TYRO3: variants seen among roughly 807,000 people sequenced by gnomAD.
TYRO3 encodes the protein tyrosine-protein kinase receptor TYRO3.
TYRO3 carries 38 observed loss-of-function variants against 95.2 expected under a neutral mutation model. That is an observed-to-expected ratio of 0.40 (90% CI 0.31 to 0.52). The LOEUF (loss-of-function observed/expected upper bound fraction) is 0.52, where lower values mean the gene tolerates loss of function less well. Among genes scored for constraint, TYRO3 ranks in the 20% least tolerant of loss-of-function variants. The probability of loss-of-function intolerance (pLI) is 0.56; values close to 1 mark genes in which losing one functional copy is unlikely to be tolerated. For missense variants in TYRO3, 812 were observed against 1,116.4 expected, an observed-to-expected ratio of 0.73 and a Z score of 3.89; for synonymous variants, 367 against 432.9, an observed-to-expected ratio of 0.85 and a Z score of 1.89.
At chr15:41,573,267 C>T in intron 16 of TYRO3, 41 bp from the exon 17 acceptor site, 2 of 1,611,482 alleles carry the variant, frequency 1.2e-6, no homozygotes, top group Non-Finnish European at 1.7e-6. Flanking sequence ...GGCCTGTGAG[C>T]ATGGCAGAAG....
chr15:41,561,706 C>T (rs1653050738), intron 3 of TYRO3, 67 bp downstream of exon 3: 1 of 1,245,028 alleles, frequency 8.0e-7, no homozygotes, highest in African/African-American at 1.5e-5. Context: ...GACTATACCT[C>T]TGCAGCGGAG....
At chr15:41,570,531 T>G (rs1038723479) in intron 11 of TYRO3, 73 bp from the exon 12 acceptor site, 1 of 1,388,014 alleles carries the variant, frequency 7.2e-7, no homozygotes, top group Non-Finnish European at 1.0e-6. Flanking sequence ...GAGGGCAGAG[T>G]CTGGGGTATA....
At position 41,565,057 on chromosome 15, in the gene TYRO3, G is replaced by T; in HGVS notation, c.699G>T (p.Val233=). The stretch of plus-strand genomic sequence containing the variant: ...CTGCAGCCCCCTTCAACATCACCGT[G>T]ACAAAGCTTTCCAGCAGCAACGCTA... ...ALPAAPFNIT[V]TKLSSSNASV... The change falls in exon 6 of 19, where the codon GTG becomes GTT. Residue 233 remains valine (V), a synonymous_variant. Coordinates refer to ENST00000263798, the MANE Select transcript of TYRO3 (RefSeq NM_006293.4). The T allele has an allele frequency of 6.2e-7, 1 of 1,612,984 alleles. No homozygotes were observed.
rs575839089 is a variant in TYRO3, at chr15:41,564,592, G to T, written c.667+322G>T. 1.5e-3 allele frequency among the ~76,000 whole-genome samples: 228 copies of T among 152,256 alleles called. 1 individual carries two copies. Among genetic ancestry groups the T allele is most frequent in the African/African-American group, 5.4e-3 (224 of 41,566 alleles). On this transcript the variant is annotated intron_variant, in intron 5 of 18. Coordinates refer to ENST00000263798, the MANE Select transcript of TYRO3 (RefSeq NM_006293.4). ...TTGTTTCTGCCCCTCCCTTTGAGGGGATGGGGGTGGGGAAAACAGCCTAGT... is the reference window on the plus strand; with the variant it reads ...TTGTTTCTGCCCCTCCCTTTGAGGGTATGGGGGTGGGGAAAACAGCCTAGT...
In TYRO3 at chr15:41,583,196, C is replaced by T. The variant is rs966731238; in HGVS notation, c.*4920C>T. 2 of 151,934 alleles carry T rather than the reference C, an allele frequency of 1.3e-5. No individual in the cohort carries two copies. Among genetic ancestry groups the T allele is most frequent in the African/African-American group, 4.8e-5 (2 of 41,326 alleles). 9.4% of individuals were successfully genotyped at this position (151,934 alleles called of 1,614,324 possible). A position where few individuals can be genotyped will look rare whatever the true frequency, so the allele number is the denominator to read the frequency against. On this transcript the variant is annotated 3_prime_UTR_variant, in exon 19 of 19. Transcript: ENST00000263798. Reference sequence around the variant, plus strand: ...TATTTTTAGTAGAGACAGGGTTTCACCATGTTAGCCAGGATGGTCTCGATC... The same window carrying T: ...TATTTTTAGTAGAGACAGGGTTTCATCATGTTAGCCAGGATGGTCTCGATC...
intron 17 of TYRO3, 33 bp from the exon 18 acceptor site, chr15:41,573,646 A>G: frequency 7.0e-7 from 1 of 1,433,788 alleles, no homozygotes; most frequent in East Asian, 2.3e-5. Flanking sequence ...ACACCTAGTG[A>G]CAGCTTCTCC....
intron 6 of TYRO3, among the ~76,000 whole-genome samples, chr15:41,566,264 G>A (rs2055722700): frequency 7.0e-6 from 1 of 143,178 alleles, no homozygotes; most frequent in Admixed American, 7.3e-5. Flanking sequence ...GGTGAGCCGA[G>A]ATCATGCCAC....
rs952067058 is a variant in TYRO3, at chr15:41,582,809, A to G, written c.*4533A>G. The G allele has an allele frequency of 1.1e-4, 17 of 151,974 alleles. No individual in the cohort carries two copies. The highest frequency in any genetic ancestry group is 3.9e-4 in the African/African-American group (16 of 41,400). The allele number at this position is 151,974 out of a possible 1,614,324, so 9.4% of individuals were successfully genotyped here. On this transcript the variant is annotated 3_prime_UTR_variant, in exon 19 of 19. Coordinates refer to ENST00000263798, the MANE Select transcript of TYRO3 (RefSeq NM_006293.4). ...TTCCCAGATACTTTTTATTGTCCCA[A>G]TACCACCATTTATTGAACAATCTAT...
intron 6 of TYRO3, among the ~76,000 whole-genome samples, chr15:41,565,498 T>A (rs913748659): frequency 4.9e-4 from 74 of 151,556 alleles, no homozygotes; most frequent in Admixed American, 3.5e-3. Context: ...AACCTCCACC[T>A]CCTGGGTTCA....
At position 41,570,661 on chromosome 15, in the gene TYRO3, C is replaced by G; in HGVS notation, c.1541C>G (p.Pro514Arg). 1 of 1,614,176 alleles carries G rather than the reference C, an allele frequency of 6.2e-7. No homozygotes were observed. The highest frequency in any genetic ancestry group is 1.1e-5 in the South Asian group (1 of 91,078). The change falls in exon 12 of 19, where the codon CCA becomes CGA. Residue 514 changes from proline (P) to arginine (R), a missense_variant. Physicochemically the swap from Pro to Arg is moderately radical, Grantham distance 103. Coordinates refer to ENST00000263798, the MANE Select transcript of TYRO3 (RefSeq NM_006293.4). The part of the protein sequence containing the change: ...LKEKLEDVLI[P>R]EQQFTLGRML... ...GAAAAACTGGAGGATGTGCTCATCC[C>G]AGAGCAGCAGTTCACCCTGGGCCGG...
intron 9 of TYRO3, 93 bp from the exon 10 acceptor site, chr15:41,569,934 C>A: frequency 6.7e-7 from 1 of 1,490,884 alleles, no homozygotes; most frequent in Non-Finnish European, 9.0e-7. Context: ...CCTAGAGGAG[C>A]CCCTTGAACC....
At chr15:41,576,313 T>A (rs2055859747) in intron 18 of TYRO3, among the ~76,000 whole-genome samples, 2 of 151,356 alleles carry the variant, frequency 1.3e-5, no homozygotes, top group African/African-American at 4.9e-5. Context: ...CGTGCCTCAG[T>A]CTCCTGAGTA....
chr15:41,575,478 G>A (rs2055848146), intron 18 of TYRO3, among the ~76,000 whole-genome samples: 1 of 152,240 alleles, frequency 6.6e-6, no homozygotes, highest in African/African-American at 2.4e-5. Flanking sequence ...TGGTGGACAG[G>A]CGCCAGTTGG....
In TYRO3 at chr15:41,564,253, C is replaced by A; in HGVS notation, c.650C>A (p.Ala217Asp). 6.2e-7 allele frequency: 1 copy of A among 1,614,074 alleles called. No homozygotes were observed. Among genetic ancestry groups the A allele is most frequent in the Non-Finnish European group, 8.5e-7 (1 of 1,179,982 alleles). ...AAAGGCCTGGCCTCTTCTCGCACAG[C>A]CACTGTTCACCTTCAAGGTAGGAGG... ...NLKGLASSRT[A>D]TVHLQALPAA... Residue 217 changes from alanine (A) to aspartate (D), a missense_variant, in exon 5 of 19, where the codon GCC becomes GAC. Physicochemically the swap from Ala to Asp is moderately radical, Grantham distance 126. Coordinates refer to ENST00000263798, the MANE Select transcript of TYRO3 (RefSeq NM_006293.4).
rs1307034188 is a variant in TYRO3, at chr15:41,559,298, C to A, written c.41C>A (p.Pro14Gln). Residue 14 changes from proline (P) to glutamine (Q), a missense_variant, in exon 1 of 19, where the codon CCG becomes CAG. Transcript: ENST00000263798. ...AGCATGGGGCGGCCGGGGCTCCCGC[C>A]GCTGCCGCTGCCGCCGCCACCGCGG... ...RRSMGRPGLPPLPLPPPPRLG... is the reference protein window; with the variant it reads ...RRSMGRPGLPQLPLPPPPRLG... The A allele has an allele frequency of 1.6e-6, 1 of 611,044 alleles. No individual in the cohort carries two copies. Among genetic ancestry groups the A allele is most frequent in the Non-Finnish European group, 2.3e-6 (1 of 430,074 alleles). 37.9% of individuals were successfully genotyped at this position (611,044 alleles called of 1,614,324 possible).
At chr15:41,564,339 A>G in intron 5 of TYRO3, 69 bp downstream of exon 5, 1 of 1,492,124 alleles carries the variant, frequency 6.7e-7, no homozygotes, top group East Asian at 2.3e-5. Context: ...TCCAGCAGTT[A>G]GAATCATTCT....
Position 41,573,523 on chromosome 15 carries a change from G to A in TYRO3, c.2145+56G>A. The A allele has an allele frequency of 1.3e-6, 2 of 1,571,530 alleles. 1 individual carries two copies. The highest frequency in any genetic ancestry group is 2.2e-5 in the South Asian group (2 of 90,050). ...GGACGAGTGTGAGAGCAGACCTTTA[G>A]GATCCTTAAGGGCCTAGCCAAGTCT... On this transcript the variant is annotated intron_variant, in intron 17 of 18. Coordinates refer to ENST00000263798, the MANE Select transcript of TYRO3 (RefSeq NM_006293.4).
intron 9 of TYRO3, 131 bp from the exon 10 acceptor site, chr15:41,569,896 A>T (rs2055772451): frequency 1.7e-6 from 2 of 1,166,576 alleles, no homozygotes; most frequent in African/African-American, 3.1e-5. Context: ...ATTCCTCTGG[A>T]GCCCCTTTCC....
Position 41,566,048 on chromosome 15 carries a change from T to C in TYRO3, c.783+907T>C, listed in dbSNP as rs112023087. Among the ~76,000 whole-genome samples the C allele has an allele frequency of 2.1e-3, 320 of 152,230 alleles. 1 individual carries two copies. The highest frequency in any genetic ancestry group is 7.0e-3 in the African/African-American group (289 of 41,548). On this transcript the variant is annotated intron_variant, in intron 6 of 18. Coordinates refer to ENST00000263798, the MANE Select transcript of TYRO3 (RefSeq NM_006293.4). Reference sequence around the variant, plus strand: ...CCTACTGAGGTTGGGCACAGTGGCTTATGCCTGTAATCCCAGCACTTTGGG... The same window carrying C: ...CCTACTGAGGTTGGGCACAGTGGCTCATGCCTGTAATCCCAGCACTTTGGG...
Sources: allele counts gnomAD v4.1 joint callset (sites outside exome capture counted in the v4.1 genomes callset), GRCh38; gene constraint gnomAD v4.1.1; transcripts MANE v1.5; gene names NCBI Gene and HGNC (gene_info 2026-07-23, HGNC 2026-07-21).